Variants in KANK1 observed in about 807,000 individuals in gnomAD.
KANK1 encodes KN motif and ankyrin repeat domains 1.
KANK1 carries 109 observed loss-of-function variants against 106.2 expected under a neutral mutation model. That is an observed-to-expected ratio of 1.03 (90% CI 0.88 to 1.20). KANK1 has a LOEUF of 1.20. Ranked by LOEUF, KANK1 falls within the 50% of genes most tolerant of loss-of-function variation. The probability of loss-of-function intolerance (pLI) is 0.00; values close to 1 mark genes in which losing one functional copy is unlikely to be tolerated. For synonymous variants in KANK1, 873 were observed against 652.2 expected (o/e 1.34, Z -5.16); for missense variants, 2,399 against 1,710.7 (o/e 1.40, Z -7.10).
chr9:744,984 A>T (rs1286929961), intron 11 of KANK1, 189 bp from the exon 12 acceptor site: 1 of 1,491,716 alleles, frequency 6.7e-7, no homozygotes, highest in Non-Finnish European at 8.9e-7. Context: ...GGACAGCCGG[A>T]CATAGCACTG....
chr9:655,409 T>A (rs7863576), intron 1 of KANK1, among the ~76,000 whole-genome samples: 95,712 of 150,410 alleles, frequency 0.64, 30,760 homozygotes, highest in South Asian at 0.72. Flanking sequence ...TTGTGAACCA[T>A]TACTGTAGGT....
chr9:688,191 G>T (rs1818991433), intron 2 of KANK1, among the ~76,000 whole-genome samples: 1 of 152,232 alleles, frequency 6.6e-6, no homozygotes, highest in South Asian at 2.1e-4. Flanking sequence ...TCACCTGGGT[G>T]TGTTTCCTGG....
At chr9:515,046 AAAAC>A (rs1397373888) in intron 1 of KANK1, among the ~76,000 whole-genome samples, 2 of 151,860 alleles carry the variant, frequency 1.3e-5, no homozygotes, top group East Asian at 3.8e-4. Flanking sequence ...GCAAAGTAGA[AAAAC>A]AAAGCCAGTT....
intron 2 of KANK1, among the ~76,000 whole-genome samples, chr9:709,531 G>C (rs1825325485): frequency 6.6e-6 from 1 of 151,938 alleles, no homozygotes; most frequent in Admixed American, 6.6e-5. Context: ...TGAAAAACAG[G>C]AATCTTAATG....
At chr9:578,866 A>G (rs567975286) in intron 1 of KANK1, among the ~76,000 whole-genome samples, 6 of 152,328 alleles carry the variant, frequency 3.9e-5, no homozygotes, top group African/African-American at 9.6e-5. Context: ...GGCTCAAGCT[A>G]TGCTAAAAAT....
At position 576,015 on chromosome 9, in the gene KANK1, T is replaced by G. The variant is rs1349401012; in HGVS notation, c.-84+71261T>G. ...TCCAGCGTAGGCAACAGAGTGCAAC[T>G]GCATCTCAAAACAAAAAACAATAAG... On this transcript the variant is annotated intron_variant, in intron 1 of 11. Transcript: ENST00000382297. Among the ~76,000 whole-genome samples, 4 of 152,214 alleles carry G rather than the reference T, an allele frequency of 2.6e-5. No individual in the cohort carries two copies. The East Asian group carries it at 7.7e-4, about 29-fold the overall frequency.
At position 697,565 on chromosome 9, in the gene KANK1, C is replaced by G. The variant is rs148607703; in HGVS notation, c.38-13239C>G. ...GTCTTTAGTAGGAAATCTCTACCCACTAGCCTTAGCTAGTGATTCCTACCT... is the reference window on the plus strand; with the variant it reads ...GTCTTTAGTAGGAAATCTCTACCCAGTAGCCTTAGCTAGTGATTCCTACCT... On this transcript the variant is annotated intron_variant, in intron 2 of 11. Coordinates refer to ENST00000382297, the MANE Select transcript of KANK1 (RefSeq NM_015158.5). Among the ~76,000 whole-genome samples, 146 of 152,268 alleles carry G rather than the reference C, an allele frequency of 9.6e-4. 1 individual carries two copies. Among genetic ancestry groups the G allele is most frequent in the African/African-American group, 3.4e-3 (140 of 41,516 alleles).
At chr9:696,507 C>T (rs1324128168) in intron 2 of KANK1, among the ~76,000 whole-genome samples, 3 of 152,040 alleles carry the variant, frequency 2.0e-5, no homozygotes, top group Non-Finnish European at 4.4e-5. Flanking sequence ...CCCTTTAGGA[C>T]AATGCAGCTG....
intron 1 of KANK1, among the ~76,000 whole-genome samples, chr9:572,165 TTTTTTC>T (rs1397320350): frequency 1.7e-5 from 2 of 116,244 alleles, no homozygotes; most frequent in Non-Finnish European, 3.7e-5. Context: ...TTTTTTTTTT[TTTTTTC>T]TAAGAGACAG....
intron 3 of KANK1, among the ~76,000 whole-genome samples, chr9:495,889 A>G (rs1325446128): frequency 6.6e-6 from 1 of 152,202 alleles, no homozygotes; most frequent in Non-Finnish European, 1.5e-5. Context: ...AAAGGTCACC[A>G]GGTCAGGGTT....
intron 5 of KANK1, chr9:731,496 C>G: frequency 2.7e-6 from 1 of 369,958 alleles, no homozygotes. Context: ...CGGTTTACAT[C>G]TCCTCACCTC....
At chr9:650,702 C>T (rs1454357761) in intron 1 of KANK1, among the ~76,000 whole-genome samples, 2 of 152,080 alleles carry the variant, frequency 1.3e-5, no homozygotes, top group African/African-American at 4.8e-5. Flanking sequence ...AGGGACCACC[C>T]AGACTTGTAA....
chr9:675,373 C>A (rs1221079973), intron 1 of KANK1, among the ~76,000 whole-genome samples: 4 of 152,150 alleles, frequency 2.6e-5, no homozygotes, highest in African/African-American at 9.7e-5. Flanking sequence ...CCAACTTCTT[C>A]TGATTTCATG....
intron 3 of KANK1, among the ~76,000 whole-genome samples, chr9:485,973 AG>A (rs2058287862): frequency 6.6e-6 from 1 of 152,022 alleles, no homozygotes. Context: ...CTGAAGTCAG[AG>A]CTTCCCCTAG....
rs1346672221 is a variant in KANK1 at position 514,260 on chromosome 9, G to GTCCC, written c.-84+9512_-84+9515dup. Reference sequence around the variant, plus strand: ...CCTCCCTTCCTTCCTTCCTCCCTCCGTCCCTCCCTTCCTTCCTTCCTTCCT... The same window carrying GTCCC: ...CCTCCCTTCCTTCCTTCCTCCCTCCGTCCCTCCCTCCCTTCCTTCCTTCCTTCCT... On this transcript the variant is annotated intron_variant, in intron 1 of 11. Coordinates refer to ENST00000382297, the MANE Select transcript of KANK1 (RefSeq NM_015158.5). Among the ~76,000 whole-genome samples, 13 of 59,376 alleles carry GTCCC rather than the reference G, an allele frequency of 2.2e-4. 2 individuals carry two copies. Among genetic ancestry groups the GTCCC allele is most frequent in the Admixed American group, 3.2e-4 (2 of 6,326 alleles). The allele number at this position is 59,376 out of a possible 152,430, so 39.0% of individuals were successfully genotyped here. A position where few individuals can be genotyped will look rare whatever the true frequency, so the allele number is the denominator to read the frequency against.
At chr9:606,996 T>G (rs1204922035) in intron 1 of KANK1, among the ~76,000 whole-genome samples, 1 of 151,672 alleles carries the variant, frequency 6.6e-6, no homozygotes, top group Non-Finnish European at 1.5e-5. Flanking sequence ...TTTAAGTATT[T>G]TATGCCCACG....
Position 529,321 on chromosome 9 carries a change from G to C in KANK1, c.-84+24567G>C, listed in dbSNP as rs976151533. Among the ~76,000 whole-genome samples the C allele has an allele frequency of 3.7e-4, 53 of 143,548 alleles. 1 individual carries two copies. Among genetic ancestry groups the C allele is most frequent in the Admixed American group, 7.0e-4 (10 of 14,292 alleles). 94.2% of individuals were successfully genotyped at this position (143,548 alleles called of 152,430 possible). On this transcript the variant is annotated intron_variant, in intron 1 of 11. Transcript: ENST00000382297. ...TTTTTTTTTTTTGAGACGGAGTCTT[G>C]CTCTGTCGCCAGGCTGGAGTGCAAT... is the stretch of plus-strand genomic sequence containing the variant.
intron 1 of KANK1, among the ~76,000 whole-genome samples, chr9:647,681 C>T (rs532544743): frequency 6.6e-6 from 1 of 150,814 alleles, no homozygotes; most frequent in East Asian, 1.9e-4. Flanking sequence ...CCAAAGTTCT[C>T]ACCACAATCT....
Position 578,167 on chromosome 9 carries a change from G to T in KANK1, c.-84+73413G>T, listed in dbSNP as rs533059092. Among the ~76,000 whole-genome samples, 26 of 152,264 alleles carry T rather than the reference G, an allele frequency of 1.7e-4. 1 individual carries two copies. In the South Asian group the frequency reaches 3.9e-3, roughly 23 times the overall value. On this transcript the variant is annotated intron_variant, in intron 1 of 11. Coordinates refer to ENST00000382297, the MANE Select transcript of KANK1 (RefSeq NM_015158.5). The stretch of plus-strand genomic sequence containing the variant: ...CCAAATGAGGACTCCTCAGAAAATT[G>T]CTTTCTCGTTGGATCACCCCAGAAA...
Sources: gnomAD v4.1 joint callset for allele counts (sites outside exome capture counted in the v4.1 genomes callset) on GRCh38, gnomAD v4.1.1 for gene constraint, MANE v1.5 for transcripts, NCBI Gene and HGNC (gene_info 2026-07-23, HGNC 2026-07-21) for gene names.